The following AUTS2 variants were observed in gnomAD, a reference collection of about 807,000 sequenced individuals.
The protein encoded by AUTS2 is activator of transcription and developmental regulator AUTS2, also known as autism susceptibility gene 2 protein.
Under a neutral mutation model 112.4 loss-of-function variants are expected in AUTS2, and 17 were observed. The ratio of observed to expected loss-of-function variants is 0.15; its 90% CI spans 0.10 to 0.23. The LOEUF is 0.23. AUTS2 is among the 10% of genes least tolerant of loss of function. The probability of loss-of-function intolerance (pLI) is 1.00; values close to 1 mark genes in which losing one functional copy is unlikely to be tolerated. For synonymous variants in AUTS2, 751 were observed against 702.7 expected (o/e 1.07, Z -1.09); for missense variants, 1,510 against 1,701.6 (o/e 0.89, Z 1.98).
rs148397126 is a variant in AUTS2 at position 70,638,890 on chromosome 7, C to T, written c.691-59679C>T. Among the ~76,000 whole-genome samples the T allele has an allele frequency of 3.4e-3, 513 of 152,302 alleles. 1 individual carries two copies. The highest frequency in any genetic ancestry group is 0.011 in the African/African-American group (477 of 41,568). On this transcript the variant is annotated intron_variant, in intron 5 of 18. Transcript: ENST00000342771. ...AATAGAGAGCAGGCAGATATTGCTG[C>T]AGGCTTCATCTGCATAACACATCTG...
intron 2 of AUTS2, among the ~76,000 whole-genome samples, chr7:70,035,166 A>G (rs540427244): frequency 1.3e-5 from 2 of 152,344 alleles, no homozygotes; most frequent in South Asian, 4.1e-4. Context: ...AAAGAATTCC[A>G]AAGTCATGCA....
At chr7:70,590,762 AG>A (rs1802906029) in intron 5 of AUTS2, among the ~76,000 whole-genome samples, 1 of 152,222 alleles carries the variant, frequency 6.6e-6, no homozygotes. Flanking sequence ...AAAACATAAC[AG>A]ATTTCCCAGT....
chr7:70,000,412 A>G (rs565348361), intron 2 of AUTS2, among the ~76,000 whole-genome samples: 1 of 152,338 alleles, frequency 6.6e-6, no homozygotes, highest in African/African-American at 2.4e-5. Flanking sequence ...GCCATTACTG[A>G]TAAAATGTCT....
intron 1 of AUTS2, among the ~76,000 whole-genome samples, chr7:69,756,307 C>G (rs1787943232): frequency 6.6e-6 from 1 of 152,146 alleles, no homozygotes; most frequent in Admixed American, 6.6e-5. Flanking sequence ...GCTGCTAAAG[C>G]CTAAGAAGGA....
intron 5 of AUTS2, among the ~76,000 whole-genome samples, chr7:70,628,322 A>T (rs539677238): frequency 6.9e-5 from 2 of 28,986 alleles, no homozygotes; most frequent in South Asian, 1.5e-3. Flanking sequence ...AACTATATAT[A>T]TATATACATA....
At chr7:70,309,138 G>A (rs1789621135) in intron 4 of AUTS2, among the ~76,000 whole-genome samples, 1 of 152,176 alleles carries the variant, frequency 6.6e-6, no homozygotes, top group Admixed American at 6.5e-5. Flanking sequence ...AAGTGGGTCA[G>A]AACCATCAGT....
chr7:70,387,863 A>G (rs1350510398), intron 4 of AUTS2, among the ~76,000 whole-genome samples: 1 of 152,168 alleles, frequency 6.6e-6, no homozygotes, highest in Non-Finnish European at 1.5e-5. Flanking sequence ...TCCATCTTCT[A>G]CGTTACGGCC....
chr7:70,372,278 C>T (rs1450706779), intron 4 of AUTS2, among the ~76,000 whole-genome samples: 3 of 152,144 alleles, frequency 2.0e-5, no homozygotes, highest in African/African-American at 4.8e-5. Context: ...ATTGAGATTT[C>T]TTATAGAAGG....
At chr7:69,952,997 G>C (rs1274403496) in intron 2 of AUTS2, among the ~76,000 whole-genome samples, 2 of 152,156 alleles carry the variant, frequency 1.3e-5, no homozygotes, top group African/African-American at 4.8e-5. Context: ...CTATGCTCAA[G>C]TTGTGTAGCC....
intron 2 of AUTS2, among the ~76,000 whole-genome samples, chr7:70,062,512 CAAAA>C (rs35625069): frequency 8.2e-6 from 1 of 121,776 alleles, no homozygotes; most frequent in Admixed American, 8.7e-5. Context: ...GACTCCGTCT[CAAAA>C]AAAAAAAAAA....
chr7:70,618,521 T>C (rs1388983522), intron 5 of AUTS2, among the ~76,000 whole-genome samples: 1 of 152,220 alleles, frequency 6.6e-6, no homozygotes, highest in African/African-American at 2.4e-5. Context: ...CCATATTGTA[T>C]ATTTCATATC....
At chr7:69,787,679 A>G (rs2129321580) in intron 1 of AUTS2, among the ~76,000 whole-genome samples, 1 of 152,292 alleles carries the variant, frequency 6.6e-6, no homozygotes, top group South Asian at 2.1e-4. Context: ...CTGTAATCCC[A>G]AGAAGCTGGG....
chr7:69,860,919 G>A (rs890882433), intron 1 of AUTS2, among the ~76,000 whole-genome samples: 1 of 152,062 alleles, frequency 6.6e-6, no homozygotes, highest in African/African-American at 2.4e-5. Flanking sequence ...TCAGATGTCC[G>A]ATGTCATGAT....
At chr7:70,209,382 A>G (rs1054275492) in intron 4 of AUTS2, among the ~76,000 whole-genome samples, 1 of 152,230 alleles carries the variant, frequency 6.6e-6, no homozygotes, top group Non-Finnish European at 1.5e-5. Flanking sequence ...AGAAATGCCA[A>G]TTGACGGCTA....
chr7:70,750,875 G>A (rs915108826), intron 6 of AUTS2, among the ~76,000 whole-genome samples: 2 of 152,138 alleles, frequency 1.3e-5, no homozygotes, highest in African/African-American at 4.8e-5. Context: ...GCTGCTAGTG[G>A]CTTTACTTCA....
intron 2 of AUTS2, among the ~76,000 whole-genome samples, chr7:69,912,385 G>GTGGAGGGTGGGGCTCCTGCCTGTTCC (rs1795397347): frequency 6.6e-6 from 1 of 152,200 alleles, no homozygotes; most frequent in Non-Finnish European, 1.5e-5. Flanking sequence ...TGCCAACTCA[G>GTGGAGGGTGGGGCTCCTGCCTGTTCC]TGGAGGGTGG....
chr7:70,650,277 C>T (rs780810382), intron 5 of AUTS2, among the ~76,000 whole-genome samples: 7 of 152,284 alleles, frequency 4.6e-5, no homozygotes, highest in South Asian at 2.1e-4. Context: ...AAACAGTCAC[C>T]GTCCAAGAAT....
intron 4 of AUTS2, among the ~76,000 whole-genome samples, chr7:70,136,816 A>G (rs1806588285): frequency 6.6e-6 from 1 of 152,216 alleles, no homozygotes; most frequent in South Asian, 2.1e-4. Context: ...TTAACAATCT[A>G]GAACCGTTTT....
At chr7:69,690,449 TG>T (rs1416042871) in intron 1 of AUTS2, among the ~76,000 whole-genome samples, 3 of 152,220 alleles carry the variant, frequency 2.0e-5, no homozygotes, top group Admixed American at 2.0e-4. Flanking sequence ...GCTCAGGTTT[TG>T]CTGCCGGCCT....
Sources: allele counts gnomAD v4.1 joint callset (sites outside exome capture counted in the v4.1 genomes callset), GRCh38; gene constraint gnomAD v4.1.1; transcripts MANE v1.5; gene names NCBI Gene and HGNC (gene_info 2026-07-23, HGNC 2026-07-21).